HLCS: variants seen among roughly 807,000 people sequenced by gnomAD.
HLCS encodes holocarboxylase synthetase.
HLCS carries 53 observed loss-of-function variants against 75.0 expected under a neutral mutation model. The observed-to-expected ratio is 0.71, with a 90% confidence interval of 0.57 to 0.89. The LOEUF (loss-of-function observed/expected upper bound fraction) is 0.89. Ranked by LOEUF, HLCS falls within the 40% of genes least tolerant of loss-of-function variation. HLCS has a pLI of 0.00. For synonymous variants in HLCS, 431 were observed against 428.6 expected (o/e 1.01, Z -0.07); for missense variants, 966 against 1,074.0 (o/e 0.90, Z 1.41).
intron 6 of HLCS, among the ~76,000 whole-genome samples, chr21:36,883,877 G>A (rs1039975644): frequency 1.3e-5 from 2 of 152,208 alleles, no homozygotes; most frequent in Non-Finnish European, 2.9e-5. Context: ...CAAGAATCCA[G>A]TGAAAGAGCA....
At chr21:36,758,609 C>T (rs1277124917) in intron 9 of HLCS, among the ~76,000 whole-genome samples, 1 of 152,138 alleles carries the variant, frequency 6.6e-6, no homozygotes, top group Admixed American at 6.5e-5. Flanking sequence ...CATTTGTTAG[C>T]TCCCTGAAGC....
At chr21:36,840,290 T>A (rs2062571043) in intron 6 of HLCS, among the ~76,000 whole-genome samples, 1 of 152,188 alleles carries the variant, frequency 6.6e-6, no homozygotes, top group African/African-American at 2.4e-5. Context: ...GGTGAATATT[T>A]AAAAAAATTT....
intron 6 of HLCS, among the ~76,000 whole-genome samples, chr21:36,780,575 C>T (rs1485373643): frequency 6.6e-6 from 1 of 152,152 alleles, no homozygotes; most frequent in Non-Finnish European, 1.5e-5. Flanking sequence ...ACAGCCTCTT[C>T]AACCACTCTT....
At chr21:36,855,213 C>T (rs1490519365) in intron 6 of HLCS, among the ~76,000 whole-genome samples, 1 of 151,902 alleles carries the variant, frequency 6.6e-6, no homozygotes, top group Non-Finnish European at 1.5e-5. Flanking sequence ...CTGTATAGAT[C>T]GTTTATATAA....
intron 5 of HLCS, among the ~76,000 whole-genome samples, chr21:36,904,010 C>T (rs917685178): frequency 2.6e-5 from 4 of 152,134 alleles, no homozygotes; most frequent in Admixed American, 2.6e-4. Context: ...TGTTATAATG[C>T]AGCAAGAAGG....
At chr21:36,930,716 C>A (rs181439840) in intron 4 of HLCS, among the ~76,000 whole-genome samples, 29 of 152,228 alleles carry the variant, frequency 1.9e-4, no homozygotes, top group African/African-American at 6.5e-4. Flanking sequence ...CTTTGCTCTC[C>A]TCTGAAAATT....
chr21:36,825,982 A>G (rs2061995579), intron 6 of HLCS, among the ~76,000 whole-genome samples: 1 of 152,158 alleles, frequency 6.6e-6, no homozygotes, highest in African/African-American at 2.4e-5. Flanking sequence ...CCTGGAAGGC[A>G]GAGGGAGTTT....
intron 4 of HLCS, among the ~76,000 whole-genome samples, chr21:36,934,327 G>A (rs1046650428): frequency 4.6e-5 from 7 of 152,304 alleles, no homozygotes; most frequent in Non-Finnish European, 8.8e-5. Flanking sequence ...TTCCGCAGCC[G>A]AAAATGCACA....
chr21:36,784,586 G>A (rs997585233), intron 6 of HLCS, among the ~76,000 whole-genome samples: 9 of 152,110 alleles, frequency 5.9e-5, no homozygotes, highest in Non-Finnish European at 1.3e-4. Context: ...AAAGTGCTAG[G>A]ATTACAGGCG....
At chr21:36,952,573 C>G (rs752168830) in intron 2 of HLCS, among the ~76,000 whole-genome samples, 1 of 152,094 alleles carries the variant, frequency 6.6e-6, no homozygotes, top group Non-Finnish European at 1.5e-5. Context: ...GCGGGCAGAT[C>G]ATGAGGTCAG....
chr21:36,960,145 CG>C (rs2068214399), intron 2 of HLCS, among the ~76,000 whole-genome samples: 2 of 102,680 alleles, frequency 1.9e-5, no homozygotes, highest in East Asian at 3.7e-4. Flanking sequence ...CCCCCCCCCC[CG>C]ACCCTGCACT....
intron 2 of HLCS, among the ~76,000 whole-genome samples, chr21:36,945,327 A>G (rs79482882): frequency 0.041 from 6,194 of 152,220 alleles, 278 homozygotes; most frequent in African/African-American, 0.12. Flanking sequence ...GGAAAAAAAA[A>G]TATGCCCACA....
At chr21:36,795,153 G>A (rs960871189) in intron 6 of HLCS, among the ~76,000 whole-genome samples, 5 of 152,188 alleles carry the variant, frequency 3.3e-5, no homozygotes, top group African/African-American at 1.2e-4. Flanking sequence ...CTCTGGCAAA[G>A]GCACCAGGTT....
intron 7 of HLCS, among the ~76,000 whole-genome samples, chr21:36,766,198 AT>A (rs775815564): frequency 2.0e-5 from 3 of 151,592 alleles, no homozygotes; most frequent in South Asian, 2.1e-4. Flanking sequence ...TGATTTTTGT[AT>A]TTTTTTTAAG....
At chr21:36,933,901 C>G (rs1286634110) in intron 4 of HLCS, among the ~76,000 whole-genome samples, 1 of 152,142 alleles carries the variant, frequency 6.6e-6, no homozygotes, top group Non-Finnish European at 1.5e-5. Flanking sequence ...GGACGGAAAA[C>G]AGGATGGCGC....
At chr21:36,989,048 T>G (rs1436830565) in intron 1 of HLCS, among the ~76,000 whole-genome samples, 14 of 135,490 alleles carry the variant, frequency 1.0e-4, no homozygotes, top group South Asian at 2.5e-4. Context: ...ATTTATTTAT[T>G]TTTTTTGAGA....
intron 2 of HLCS, among the ~76,000 whole-genome samples, 151 bp downstream of exon 2, chr21:36,961,885 C>T (rs564005910): frequency 2.0e-5 from 3 of 146,956 alleles, no homozygotes; most frequent in South Asian, 4.4e-4. Context: ...ACCCAGGAGG[C>T]GGAGGTCCCA....
intron 5 of HLCS, among the ~76,000 whole-genome samples, chr21:36,914,491 G>T (rs1170444198): frequency 6.6e-6 from 1 of 152,192 alleles, no homozygotes; most frequent in Admixed American, 6.5e-5. Flanking sequence ...AATGTAAAGT[G>T]ATAGCTCAGG....
chr21:36,867,617 A>G (rs1431330187), intron 6 of HLCS, among the ~76,000 whole-genome samples: 1 of 152,182 alleles, frequency 6.6e-6, no homozygotes, highest in African/African-American at 2.4e-5. Flanking sequence ...TGGAAAAGCA[A>G]TGACCAGATG....
Sources: gnomAD v4.1 joint callset for allele counts (sites outside exome capture counted in the v4.1 genomes callset) on GRCh38, gnomAD v4.1.1 for gene constraint, MANE v1.5 for transcripts, NCBI Gene and HGNC (gene_info 2026-07-23, HGNC 2026-07-21) for gene names.